The following PARN variants were observed in gnomAD, a reference collection of about 807,000 sequenced individuals.
PARN encodes the protein poly(A)-specific ribonuclease PARN.
Under a neutral mutation model 102.8 loss-of-function variants are expected in PARN, and 71 were observed. The observed-to-expected ratio is 0.69, with a 90% CI of 0.57 to 0.84. The LOEUF is 0.84. Among genes scored for constraint, PARN ranks in the 40% least tolerant of loss-of-function variants. PARN has a pLI of 0.00. For synonymous variants in PARN, 261 were observed against 252.9 expected (o/e 1.03, Z -0.30); for missense variants, 782 against 760.9 (o/e 1.03, Z -0.33).
chr16:14,461,877 G>A (rs1004414749), intron 22 of PARN, among the ~76,000 whole-genome samples: 2 of 152,218 alleles, frequency 1.3e-5, no homozygotes, highest in African/African-American at 4.8e-5. Flanking sequence ...TTTGCTGTCT[G>A]AGTGAATAGA....
At chr16:14,616,179 T>C (rs1473171847) in intron 6 of PARN, among the ~76,000 whole-genome samples, 1 of 152,210 alleles carries the variant, frequency 6.6e-6, no homozygotes, top group African/African-American at 2.4e-5. Context: ...CAAACACTTT[T>C]AGAGAAACAA....
intron 18 of PARN, among the ~76,000 whole-genome samples, chr16:14,561,987 A>G (rs903970732): frequency 1.3e-5 from 2 of 151,712 alleles, no homozygotes. Context: ...CCCCATCTCT[A>G]CTAAAAATAC....
At chr16:14,449,421 G>A (rs940539882) in intron 22 of PARN, among the ~76,000 whole-genome samples, 4 of 152,104 alleles carry the variant, frequency 2.6e-5, no homozygotes, top group South Asian at 2.1e-4. Context: ...AAAACAAAAC[G>A]CGGGTGAATG....
At chr16:14,527,764 T>G (rs951581822) in intron 21 of PARN, among the ~76,000 whole-genome samples, 1 of 152,178 alleles carries the variant, frequency 6.6e-6, no homozygotes, top group Non-Finnish European at 1.5e-5. Context: ...TCAGGAACAC[T>G]GGGTATCCCT....
At chr16:14,456,231 G>A (rs902668430) in intron 22 of PARN, among the ~76,000 whole-genome samples, 16 of 151,704 alleles carry the variant, frequency 1.1e-4, no homozygotes, top group African/African-American at 3.9e-4. Flanking sequence ...GAGCAGTGGT[G>A]CAATCACAGC....
intron 2 of PARN, among the ~76,000 whole-genome samples, chr16:14,629,326 C>CT (rs1972877817): frequency 6.6e-6 from 1 of 152,216 alleles, no homozygotes; most frequent in South Asian, 2.1e-4. Context: ...TCCTCAAGCT[C>CT]TCTGCAATGT....
chr16:14,537,286 A>T (rs1236049964), intron 21 of PARN, among the ~76,000 whole-genome samples: 2 of 152,216 alleles, frequency 1.3e-5, no homozygotes. Flanking sequence ...AGACAAAAAA[A>T]TAACACAGAC....
At chr16:14,454,504 C>G (rs1189793336) in intron 22 of PARN, among the ~76,000 whole-genome samples, 1 of 152,050 alleles carries the variant, frequency 6.6e-6, no homozygotes, top group African/African-American at 2.4e-5. Flanking sequence ...ATACTAAGAT[C>G]TCCTTTCATT....
chr16:14,538,303 T>C (rs1248284096), intron 21 of PARN, among the ~76,000 whole-genome samples: 1 of 151,456 alleles, frequency 6.6e-6, no homozygotes, highest in East Asian at 1.9e-4. Context: ...ACTACAACCT[T>C]TGCCCCACGG....
chr16:14,617,101 T>C (rs1596883424), intron 6 of PARN, among the ~76,000 whole-genome samples: 1 of 149,478 alleles, frequency 6.7e-6, no homozygotes, highest in African/African-American at 2.5e-5. Context: ...AAGATCACAG[T>C]AGGCCAGGCG....
intron 21 of PARN, among the ~76,000 whole-genome samples, chr16:14,521,861 C>A (rs1567343985): frequency 6.6e-6 from 1 of 151,952 alleles, no homozygotes; most frequent in Admixed American, 6.5e-5. Context: ...CAGTGGACCC[C>A]CTTATACATG....
At chr16:14,507,697 G>T (rs893060932) in intron 21 of PARN, among the ~76,000 whole-genome samples, 1 of 152,000 alleles carries the variant, frequency 6.6e-6, no homozygotes, top group Non-Finnish European at 1.5e-5. Context: ...GAGGCCAAGT[G>T]AAATTCTAGA....
chr16:14,463,975 T>A (rs1366133898), intron 22 of PARN, among the ~76,000 whole-genome samples: 1 of 152,066 alleles, frequency 6.6e-6, no homozygotes, highest in Non-Finnish European at 1.5e-5. Context: ...CTGGGACTAC[T>A]GGCATGTGCC....
At chr16:14,614,937 A>C (rs1406036338) in intron 6 of PARN, among the ~76,000 whole-genome samples, 1 of 151,030 alleles carries the variant, frequency 6.6e-6, no homozygotes, top group African/African-American at 2.4e-5. Flanking sequence ...GAGGACACCT[A>C]GCACAGCCTG....
intron 21 of PARN, among the ~76,000 whole-genome samples, chr16:14,512,720 C>T (rs780616742): frequency 5.3e-5 from 8 of 152,144 alleles, no homozygotes; most frequent in Admixed American, 4.6e-4. Context: ...CCTTATGGGA[C>T]TCCAAAAATG....
In PARN at chr16:14,608,274, T is replaced by C; in HGVS notation, c.659+7A>G. On this transcript the variant is annotated splice_region_variant and intron_variant, in intron 9 of 23. Transcript: ENST00000437198. ...ACAGAGCTGCTGCATACAATATAAA[T>C]ACTTACTTCCAGCTCAAAGTCTGAT... 2 of 1,525,190 alleles carry C rather than the reference T, an allele frequency of 1.3e-6. No individual in the cohort carries two copies. The highest frequency in any genetic ancestry group is 8.9e-7 in the Non-Finnish European group (1 of 1,125,060). The allele number at this position is 1,525,190 out of a possible 1,614,324, so 94.5% of individuals were successfully genotyped here.
At chr16:14,451,733 G>T (rs958513387) in intron 22 of PARN, among the ~76,000 whole-genome samples, 2 of 151,266 alleles carry the variant, frequency 1.3e-5, no homozygotes, top group Admixed American at 6.6e-5. Flanking sequence ...TCTTGGCCAG[G>T]TGTGGTGGTT....
At chr16:14,573,777 C>G (rs1224849091) in intron 18 of PARN, among the ~76,000 whole-genome samples, 1 of 152,136 alleles carries the variant, frequency 6.6e-6, no homozygotes, top group African/African-American at 2.4e-5. Context: ...TGCACAAGCT[C>G]TCTTGTCTGC....
At chr16:14,451,014 G>A (rs1961420324) in intron 22 of PARN, among the ~76,000 whole-genome samples, 1 of 152,158 alleles carries the variant, frequency 6.6e-6, no homozygotes, top group South Asian at 2.1e-4. Context: ...TAAACTGCTT[G>A]GCACAGCATC....
Sources: allele counts gnomAD v4.1 joint callset (sites outside exome capture counted in the v4.1 genomes callset), GRCh38; gene constraint gnomAD v4.1.1; transcripts MANE v1.5; gene names NCBI Gene and HGNC (gene_info 2026-07-23, HGNC 2026-07-21).